The following ZBTB41 variants were observed in gnomAD, a reference collection of about 807,000 sequenced individuals.
ZBTB41 encodes zinc finger and BTB domain-containing protein 41.
Under a neutral mutation model 87.6 loss-of-function variants are expected in ZBTB41, and 42 were observed. The observed-to-expected ratio is 0.48, with a 90% confidence interval of 0.37 to 0.62. The LOEUF (loss-of-function observed/expected upper bound fraction) is 0.62, where lower values mean the gene tolerates loss of function less well. Ranked by LOEUF, ZBTB41 falls within the 20% of genes least tolerant of loss-of-function variation. ZBTB41 has a pLI of 0.00. For synonymous variants in ZBTB41, 364 were observed against 364.0 expected (o/e 1.00, Z 0.00); for missense variants, 799 against 1,078.9 (o/e 0.74, Z 3.63).
intron 6 of ZBTB41, among the ~76,000 whole-genome samples, chr1:197,180,238 G>T (rs1571658215): frequency 6.6e-6 from 1 of 152,146 alleles, no homozygotes; most frequent in African/African-American, 2.4e-5. Flanking sequence ...TGCTATACAG[G>T]TTTGTAGCCT....
chr1:197,200,373 A>C lies in ZBTB41; in HGVS notation c.101T>G (p.Val34Gly). 6.2e-7 allele frequency: 1 copy of C among 1,614,126 alleles called. No homozygotes were observed. The highest frequency in any genetic ancestry group is 1.1e-5 in the South Asian group (1 of 91,058). The change falls in exon 2 of 11, where the codon GTG (valine) becomes GGG (glycine). Residue 34 changes from valine to glycine, a missense_variant. This residue lies in a region of ZBTB41 where 77 missense variants were observed against 68.4 expected (regional missense o/e 1.13). Coordinates refer to ENST00000367405, the MANE Select transcript of ZBTB41 (RefSeq NM_194314.3). ...EGNVAVECDQVTYTHSAGRPT... is the reference protein window; with the variant it reads ...EGNVAVECDQGTYTHSAGRPT... ...TCTTCCTGCAGAATGAGTATAGGTCACTTGGTCACACTCCACTGCAACATT... is the reference window on the plus strand; with the variant it reads ...TCTTCCTGCAGAATGAGTATAGGTCCCTTGGTCACACTCCACTGCAACATT...
At chr1:197,176,742 T>G in intron 7 of ZBTB41, 72 bp from the exon 8 acceptor site, 1 of 1,078,620 alleles carries the variant, frequency 9.3e-7, no homozygotes, top group Non-Finnish European at 1.4e-6. Flanking sequence ...AATGAATAAA[T>G]GATGAATAAA....
At chr1:197,171,002 T>A (rs1407284204) in intron 10 of ZBTB41, among the ~76,000 whole-genome samples, 1 of 152,132 alleles carries the variant, frequency 6.6e-6, no homozygotes, top group African/African-American at 2.4e-5. Flanking sequence ...TATCCAGATA[T>A]TGATGTTCCA....
At chr1:197,166,246 G>A (rs1235784128) in intron 10 of ZBTB41, among the ~76,000 whole-genome samples, 3 of 151,936 alleles carry the variant, frequency 2.0e-5, no homozygotes, top group Non-Finnish European at 4.4e-5. Flanking sequence ...AGAGAAAGCA[G>A]ATATGAAAAA....
At chr1:197,196,069 G>A (rs1660155311) in intron 2 of ZBTB41, among the ~76,000 whole-genome samples, 1 of 152,046 alleles carries the variant, frequency 6.6e-6, no homozygotes, top group Admixed American at 6.5e-5. Context: ...AAATAAACAA[G>A]TGCTTACTAA....
At chr1:197,171,741 C>T (rs572143639) in intron 10 of ZBTB41, among the ~76,000 whole-genome samples, 38 of 151,296 alleles carry the variant, frequency 2.5e-4, no homozygotes, top group Non-Finnish European at 4.7e-4. Flanking sequence ...ACTTGGCAAA[C>T]AAGACAATGA....
chr1:197,187,601 TA>T (rs1659917689), intron 5 of ZBTB41, among the ~76,000 whole-genome samples: 1 of 152,198 alleles, frequency 6.6e-6, no homozygotes, highest in African/African-American at 2.4e-5. Context: ...TATGTTTTGT[TA>T]TTTTTTTTTA....
Position 197,181,109 on chromosome 1 carries a change from GA to G in ZBTB41, c.1554del (p.Pro519HisfsTer15). ...KHQEKFHLGP[F>X]PCDICGRQFN... is the part of the protein sequence containing the mutation. The stretch of plus-strand genomic sequence containing the variant: ...AACTGGCGACCACATATATCACATG[GA>G]AAAGGACCTAAAAAGGAAAAAAAAA... On this transcript the variant is annotated frameshift_variant, in exon 6 of 11. Transcript: ENST00000367405. LOFTEE classifies it high-confidence loss of function. The G allele has an allele frequency of 3.2e-6, 5 of 1,569,626 alleles. No individual in the cohort carries two copies. The highest frequency in any genetic ancestry group is 4.2e-5 in the Admixed American group (2 of 47,462).
intron 8 of ZBTB41, chr1:197,175,944 C>T (rs1659595508): frequency 1.3e-5 from 2 of 151,950 alleles, no homozygotes; most frequent in African/African-American, 4.8e-5. Flanking sequence ...TTCTACCGTG[C>T]TCATAGAGAT....
At chr1:197,165,609 CA>C (rs796901231) in intron 10 of ZBTB41, among the ~76,000 whole-genome samples, 6 of 125,368 alleles carry the variant, frequency 4.8e-5, no homozygotes, top group Non-Finnish European at 6.8e-5. Flanking sequence ...GACTCTATCT[CA>C]AAAAAAAAAC....
At chr1:197,176,904 C>G (rs964742384) in intron 7 of ZBTB41, among the ~76,000 whole-genome samples, 1 of 152,062 alleles carries the variant, frequency 6.6e-6, no homozygotes, top group African/African-American at 2.4e-5. Flanking sequence ...ATGCTCAAAC[C>G]ACTTCTCAAC....
At chr1:197,160,635 A>AGTTTT (rs780361860) in intron 10 of ZBTB41, among the ~76,000 whole-genome samples, 6 of 152,060 alleles carry the variant, frequency 3.9e-5, no homozygotes, top group Non-Finnish European at 5.9e-5. Flanking sequence ...CTCACACTGT[A>AGTTTT]GTTTTGTTTT....
At chr1:197,162,033 T>C (rs140188777) in intron 10 of ZBTB41, among the ~76,000 whole-genome samples, 54 of 152,280 alleles carry the variant, frequency 3.5e-4, no homozygotes, top group African/African-American at 1.1e-3. Flanking sequence ...TAGAATAATC[T>C]TCAATCAGTT....
chr1:197,194,424 T>C (rs576653774), intron 2 of ZBTB41, among the ~76,000 whole-genome samples: 11 of 152,280 alleles, frequency 7.2e-5, no homozygotes, highest in African/African-American at 2.4e-4. Context: ...GCTGAAAAGA[T>C]GTTAAATTAA....
rs1471005632 is a variant in ZBTB41 at position 197,156,938 on chromosome 1, T to C, written c.*2421A>G. ...ATGTGAGCTTAAATGAGTCCTTTTA[T>C]CTTAACCTCAAATTCTTTATAAAGT... On this transcript the variant is annotated 3_prime_UTR_variant, in exon 11 of 11. Coordinates refer to ENST00000367405, the MANE Select transcript of ZBTB41 (RefSeq NM_194314.3). 6.6e-6 allele frequency: 1 copy of C among 152,162 alleles called. No homozygotes were observed. The highest frequency in any genetic ancestry group is 1.5e-5 in the Non-Finnish European group (1 of 67,704). The allele number at this position is 152,162 out of a possible 1,614,324, so 9.4% of individuals were successfully genotyped here. A position where few individuals can be genotyped will look rare whatever the true frequency, so the allele number is the denominator to read the frequency against.
At position 197,157,885 on chromosome 1, in the gene ZBTB41, G is replaced by A. The variant is rs757173588; in HGVS notation, c.*1474C>T. ...TGTGATTTTTTTTTTCACAAGGGCT[G>A]GGCTAGACTTTACAGTTTACACACA... On this transcript the variant is annotated 3_prime_UTR_variant, in exon 11 of 11. Transcript: ENST00000367405. 10 of 143,098 alleles carry A rather than the reference G, an allele frequency of 7.0e-5. No individual in the cohort carries two copies. Among genetic ancestry groups the A allele is most frequent in the Non-Finnish European group, 1.2e-4 (8 of 65,102 alleles). The allele number at this position is 143,098 out of a possible 1,614,324, so 8.9% of individuals were successfully genotyped here. A position where few individuals can be genotyped will look rare whatever the true frequency, so the allele number is the denominator to read the frequency against.
chr1:197,182,206 T>C (rs1365540288), intron 5 of ZBTB41, among the ~76,000 whole-genome samples: 1 of 152,108 alleles, frequency 6.6e-6, no homozygotes, highest in African/African-American at 2.4e-5. Flanking sequence ...GAATGAAATA[T>C]CTACTAGTAA....
At chr1:197,172,082 C>T in intron 10 of ZBTB41, 78 bp downstream of exon 10, 1 of 528,948 alleles carries the variant, frequency 1.9e-6, no homozygotes. Context: ...AGTTTAAATG[C>T]CTATATTTTA....
chr1:197,186,884 A>C (rs1218361425), intron 5 of ZBTB41, among the ~76,000 whole-genome samples: 1 of 151,826 alleles, frequency 6.6e-6, no homozygotes, highest in East Asian at 1.9e-4. Flanking sequence ...ACAAAAAAAC[A>C]AAAAAACCAA....
Sources: allele counts gnomAD v4.1 joint callset (sites outside exome capture counted in the v4.1 genomes callset), GRCh38; gene constraint gnomAD v4.1.1; regional missense constraint gnomAD v4.1.1; transcripts MANE v1.5; gene names NCBI Gene and HGNC (gene_info 2026-07-23, HGNC 2026-07-21).